SCGB2B2: variants seen among roughly 807,000 people sequenced by gnomAD.
The protein encoded by SCGB2B2 is secretoglobin family 2B member 2.
A neutral mutation model predicts 7.6 loss-of-function variants in SCGB2B2; 11 were observed. The observed-to-expected ratio is 1.45, with a 90% CI of 0.91 to 2.40. The LOEUF is 2.40. Among genes scored for constraint, SCGB2B2 ranks in the 30% most tolerant of loss-of-function variants. The probability of loss-of-function intolerance (pLI) is 0.00; values close to 1 mark genes in which losing one functional copy is unlikely to be tolerated. For synonymous variants in SCGB2B2, 50 were observed against 48.6 expected, an observed-to-expected ratio of 1.03 and a Z score of -0.12; for missense variants, 104 against 115.4, an observed-to-expected ratio of 0.90 and a Z score of 0.45.
In SCGB2B2 at chr19:34,594,549, G is replaced by A. The variant is rs1298692399; in HGVS notation, c.15C>T (p.Ser5=). ...GAGCCAGCAGAAGAGCACAGGTGGC[G>A]GATGTCACCCTCATGACAGCGGAGT... MRVT[S]ATCALLLALI... Residue 5 remains serine (S), a synonymous_variant, in exon 2 of 4, where the codon TCC becomes TCT. Coordinates refer to ENST00000601241, the MANE Select transcript of SCGB2B2 (RefSeq NM_001025591.4). The A allele has an allele frequency of 1.7e-5, 27 of 1,612,854 alleles. No individual in the cohort carries two copies. Among genetic ancestry groups the A allele is most frequent in the East Asian group, 2.2e-5 (1 of 44,884 alleles).
chr19:34,617,494 G>T (rs1483557075), intron 1 of SCGB2B2, among the ~76,000 whole-genome samples: 1 of 150,638 alleles, frequency 6.6e-6, no homozygotes, highest in African/African-American at 2.4e-5. Context: ...TTTGTCTGTT[G>T]TTGGTGTATA....
intron 1 of SCGB2B2, among the ~76,000 whole-genome samples, chr19:34,648,742 A>C (rs1245761816): frequency 6.6e-6 from 1 of 151,434 alleles, no homozygotes; most frequent in African/African-American, 2.4e-5. Context: ...ATTACTCTTT[A>C]ATATTTTTAA....
chr19:34,615,028 T>C (rs2066032908), intron 1 of SCGB2B2, among the ~76,000 whole-genome samples: 1 of 152,220 alleles, frequency 6.6e-6, no homozygotes, highest in South Asian at 2.1e-4. Flanking sequence ...GTGTAACAGC[T>C]GCTCAAAGCT....
At chr19:34,627,658 A>G (rs1183399799) in intron 1 of SCGB2B2, among the ~76,000 whole-genome samples, 2 of 152,218 alleles carry the variant, frequency 1.3e-5, no homozygotes, top group East Asian at 1.9e-4. Context: ...ACTCCCATAC[A>G]ATAATAATGG....
chr19:34,637,063 C>A (rs530087923), intron 1 of SCGB2B2, among the ~76,000 whole-genome samples: 2 of 152,166 alleles, frequency 1.3e-5, no homozygotes, highest in African/African-American at 4.8e-5. Flanking sequence ...AGGAACAGCC[C>A]AGTGGTCCCT....
At chr19:34,658,618 C>T (rs1404558720) in intron 1 of SCGB2B2, among the ~76,000 whole-genome samples, 1 of 151,792 alleles carries the variant, frequency 6.6e-6, no homozygotes, top group African/African-American at 2.4e-5. Flanking sequence ...AATAGTCTGC[C>T]AACCAAAAAA....
At chr19:34,650,293 C>T (rs1001989703) in intron 1 of SCGB2B2, among the ~76,000 whole-genome samples, 18 of 151,216 alleles carry the variant, frequency 1.2e-4, no homozygotes, top group Non-Finnish European at 2.5e-4. Flanking sequence ...GCCGAGCCAA[C>T]GGCAAAGATG....
chr19:34,617,679 C>T lies in SCGB2B2; in HGVS notation c.-2031-21085G>A, dbSNP rs189981989. Among the ~76,000 whole-genome samples, 17 of 152,302 alleles carry T rather than the reference C, an allele frequency of 1.1e-4. No individual in the cohort carries two copies. The East Asian group carries it at 2.7e-3, about 24-fold the overall frequency. On this transcript the variant is annotated intron_variant, in intron 1 of 3. Transcript: ENST00000601241. ...TTTCCTAACTGAATACCCTTTATTT[C>T]GTTCTTCTGCCTCATTGCCCTGGCT... is the stretch of plus-strand genomic sequence containing the variant.
intron 1 of SCGB2B2, among the ~76,000 whole-genome samples, chr19:34,666,601 C>T (rs959030787): frequency 4.8e-4 from 73 of 152,152 alleles, no homozygotes; most frequent in Non-Finnish European, 1.2e-4. Flanking sequence ...CTCCAGGTCC[C>T]AGCCAAGCCA....
chr19:34,644,375 T>TC (rs397963064), intron 1 of SCGB2B2, among the ~76,000 whole-genome samples: 32 of 151,006 alleles, frequency 2.1e-4, no homozygotes, highest in Middle Eastern at 6.8e-3. Context: ...TTTTTTTTTT[T>TC]ACTCTGGTAA....
chr19:34,590,872 G>C lies in SCGB2B2; in HGVS notation c.*2683C>G, dbSNP rs568182403. On this transcript the variant is annotated 3_prime_UTR_variant, in exon 4 of 4. Coordinates refer to ENST00000601241, the MANE Select transcript of SCGB2B2 (RefSeq NM_001025591.4). Reference sequence around the variant, plus strand: ...TTTCCTTATTCTTTCAAACACATGTGAAATGCTTTTGCATCTCAAAGTATT... The same window carrying C: ...TTTCCTTATTCTTTCAAACACATGTCAAATGCTTTTGCATCTCAAAGTATT... 2.6e-5 allele frequency among the ~76,000 whole-genome samples: 4 copies of C among 152,152 alleles called. No homozygotes were observed. Among genetic ancestry groups the C allele is most frequent in the African/African-American group, 9.7e-5 (4 of 41,418 alleles).
intron 1 of SCGB2B2, among the ~76,000 whole-genome samples, chr19:34,630,020 C>A (rs1326973900): frequency 2.0e-5 from 3 of 151,856 alleles, no homozygotes; most frequent in Non-Finnish European, 2.9e-5. Flanking sequence ...GGAAAGGATT[C>A]CCTATTTAAT....
In SCGB2B2 at chr19:34,596,324, T is replaced by G. The variant is rs1481874435; in HGVS notation, c.-1761A>C. The G allele has an allele frequency of 6.6e-6, 1 of 152,386 alleles. No individual in the cohort carries two copies. Among genetic ancestry groups the G allele is most frequent in the Admixed American group, 6.5e-5 (1 of 15,292 alleles). 9.4% of individuals were successfully genotyped at this position (152,386 alleles called of 1,614,324 possible). The stretch of plus-strand genomic sequence containing the variant: ...GCTGTGTCGTCCCTGCCACCTGTGG[T>G]CCTGCAGCCTGGGCTGCAACCTGCG... On this transcript the variant is annotated 5_prime_UTR_variant, in exon 2 of 4. Transcript: ENST00000601241.
intron 1 of SCGB2B2, among the ~76,000 whole-genome samples, chr19:34,649,305 AAG>A (rs1286388175): frequency 2.0e-5 from 3 of 151,976 alleles, no homozygotes; most frequent in African/African-American, 7.2e-5. Context: ...GGAAGGAAAA[AAG>A]AGAGAAATCC....
In SCGB2B2 at chr19:34,594,558, C is replaced by T; in HGVS notation, c.6G>A (p.Arg2=). The T allele has an allele frequency of 1.2e-6, 2 of 1,612,576 alleles. No individual in the cohort carries two copies. The highest frequency in any genetic ancestry group is 1.7e-6 in the Non-Finnish European group (2 of 1,179,962). ...GAAGAGCACAGGTGGCGGATGTCACCCTCATGACAGCGGAGTCTGGTCCCA... is the reference window on the plus strand; with the variant it reads ...GAAGAGCACAGGTGGCGGATGTCACTCTCATGACAGCGGAGTCTGGTCCCA... M[R]VTSATCALLL... is the part of the protein sequence containing the mutation. The change falls in exon 2 of 4, where the codon AGG becomes AGA. Residue 2 remains arginine (R), a synonymous_variant. Coordinates refer to ENST00000601241, the MANE Select transcript of SCGB2B2 (RefSeq NM_001025591.4).
At chr19:34,612,674 G>T (rs1178462070) in intron 1 of SCGB2B2, among the ~76,000 whole-genome samples, 1 of 152,174 alleles carries the variant, frequency 6.6e-6, no homozygotes, top group Non-Finnish European at 1.5e-5. Flanking sequence ...AGATTTGTTT[G>T]ATCTAACGTG....
intron 1 of SCGB2B2, among the ~76,000 whole-genome samples, chr19:34,637,129 T>C (rs994370188): frequency 6.6e-6 from 1 of 152,064 alleles, no homozygotes; most frequent in Non-Finnish European, 1.5e-5. Context: ...CATGAGGAAA[T>C]GCCACCAGGA....
At chr19:34,652,186 T>C (rs1119745) in intron 1 of SCGB2B2, among the ~76,000 whole-genome samples, 86,669 of 150,794 alleles carry the variant, frequency 0.57, 26,201 homozygotes, top group Middle Eastern at 0.69. Flanking sequence ...GAAGAAAACA[T>C]AGGGGAAATA....
At chr19:34,604,032 C>T (rs1168680834) in intron 1 of SCGB2B2, among the ~76,000 whole-genome samples, 1 of 151,990 alleles carries the variant, frequency 6.6e-6, no homozygotes, top group Non-Finnish European at 1.5e-5. Context: ...TTTTTAATGT[C>T]TCCCTTTAGG....
Sources: gnomAD v4.1 joint callset for allele counts (sites outside exome capture counted in the v4.1 genomes callset) on GRCh38, gnomAD v4.1.1 for gene constraint, MANE v1.5 for transcripts, NCBI Gene and HGNC (gene_info 2026-07-23, HGNC 2026-07-21) for gene names.